Variants in TOGARAM1 observed in about 807,000 individuals in gnomAD.
The protein encoded by TOGARAM1 is TOG array regulator of axonemal microtubules protein 1.
In TOGARAM1, 100 loss-of-function variants were observed where a neutral mutation model predicts 166.6. The ratio of observed to expected loss-of-function variants is 0.60; its 90% CI spans 0.51 to 0.71. The LOEUF (loss-of-function observed/expected upper bound fraction) is 0.71. TOGARAM1 is among the 30% of genes least tolerant of loss of function. TOGARAM1 has a pLI of 0.00. For missense variants in TOGARAM1, 2,029 were observed against 2,102.7 expected (o/e 0.96, Z 0.69); for synonymous variants, 758 against 763.8 (o/e 0.99, Z 0.13).
intron 1 of TOGARAM1, among the ~76,000 whole-genome samples, chr14:44,973,150 TTC>T (rs1203143941): frequency 6.6e-6 from 1 of 152,118 alleles, no homozygotes; most frequent in Non-Finnish European, 1.5e-5. Context: ...TGTTTTTGTC[TTC>T]TGTTTTTTGG....
chr14:45,064,134 C>T (rs570932645), intron 16 of TOGARAM1, among the ~76,000 whole-genome samples: 39 of 152,204 alleles, frequency 2.6e-4, no homozygotes, highest in African/African-American at 8.9e-4. Flanking sequence ...TTACTATAGT[C>T]AGAGTTAAGA....
At chr14:45,004,428 A>G in intron 4 of TOGARAM1, 62 bp downstream of exon 4, 1 of 1,360,876 alleles carries the variant, frequency 7.3e-7, no homozygotes, top group African/African-American at 1.4e-5. Context: ...AAGTTAATGC[A>G]TAGGGCTGTT....
intron 1 of TOGARAM1, among the ~76,000 whole-genome samples, chr14:44,983,819 T>C (rs1405365503): frequency 6.6e-6 from 1 of 152,230 alleles, no homozygotes; most frequent in Non-Finnish European, 1.5e-5. Context: ...TTAAAAACTT[T>C]TATTTTTTAT....
At position 45,052,455 on chromosome 14, in the gene TOGARAM1, C is replaced by G. The variant is rs368925100; in HGVS notation, c.4333C>G (p.Leu1445Val). The change falls in exon 15 of 20, where the codon CTG becomes GTG. Residue 1445 changes from leucine (L) to valine (V), a missense_variant. By Grantham distance (32) the Leu-to-Val change is conservative (BLOSUM62 1). Around this residue, in one of 2 missense-constraint regions of TOGARAM1, gnomAD observed 576 missense variants for 670.5 expected, o/e 0.86. Coordinates refer to ENST00000361462, the MANE Select transcript of TOGARAM1 (RefSeq NM_001308120.2). ...TCACAGGTATTATGGTCGAAAGATGCTGTTCTTCATGATGTGTCATCCTAA... is the reference window on the plus strand; with the variant it reads ...TCACAGGTATTATGGTCGAAAGATGGTGTTCTTCATGATGTGTCATCCTAA... The part of the protein sequence containing the change: ...QETRYYGRKM[L>V]FFMMCHPNFE... 2.5e-6 allele frequency: 4 copies of G among 1,611,872 alleles called. No homozygotes were observed. The highest frequency in any genetic ancestry group is 3.4e-6 in the Non-Finnish European group (4 of 1,178,896).
At chr14:45,041,265 G>A (rs1881711912) in intron 11 of TOGARAM1, among the ~76,000 whole-genome samples, 1 of 151,822 alleles carries the variant, frequency 6.6e-6, no homozygotes, top group Non-Finnish European at 1.5e-5. Flanking sequence ...GCCGGCCATG[G>A]TGGCACATGC....
At chr14:44,994,586 T>G (rs1281655707) in intron 1 of TOGARAM1, among the ~76,000 whole-genome samples, 2 of 152,120 alleles carry the variant, frequency 1.3e-5, no homozygotes, top group Non-Finnish European at 2.9e-5. Flanking sequence ...GCCTGGCTAA[T>G]TTTTGTATTT....
chr14:45,057,371 G>GT (rs1594699798), intron 16 of TOGARAM1, among the ~76,000 whole-genome samples: 1 of 151,860 alleles, frequency 6.6e-6, no homozygotes, highest in Non-Finnish European at 1.5e-5. Context: ...GTTTTATTAT[G>GT]TTTTTTCTAG....
chr14:44,972,644 C>T (rs1007010422), intron 1 of TOGARAM1, among the ~76,000 whole-genome samples: 3 of 152,132 alleles, frequency 2.0e-5, no homozygotes, highest in Admixed American at 6.5e-5. Context: ...GATAACTTTT[C>T]TTGCTCTGAA....
rs558375616 is a variant in TOGARAM1, at chr14:44,963,564, A to G, written c.1143A>G (p.Lys381=). ...AAGAACTAAAGCAGGTGCTGGGAAAATTTAACCCTAGTTCTACTCCTCATT... is the reference window on the plus strand; with the variant it reads ...AAGAACTAAAGCAGGTGCTGGGAAAGTTTAACCCTAGTTCTACTCCTCATT... ...AVEELKQVLG[K]FNPSSTPHSS... is the part of the protein sequence containing the mutation. Residue 381 remains lysine, a synonymous_variant, in exon 1 of 20, where the codon AAA becomes AAG. Transcript: ENST00000361462. 3.1e-6 allele frequency: 5 copies of G among 1,613,866 alleles called. No homozygotes were observed. In the African/African-American group the frequency reaches 6.7e-5, roughly 22 times the overall value.
intron 1 of TOGARAM1, among the ~76,000 whole-genome samples, chr14:44,987,964 A>G (rs969880995): frequency 6.6e-6 from 1 of 152,060 alleles, no homozygotes; most frequent in Non-Finnish European, 1.5e-5. Context: ...AGGGACATGG[A>G]TGAAGCTGGA....
At position 45,066,148 on chromosome 14, in the gene TOGARAM1, A is replaced by G. The variant is rs1883128532; in HGVS notation, c.4560-430A>G. On this transcript the variant is annotated intron_variant, in intron 16 of 19. Coordinates refer to ENST00000361462, the MANE Select transcript of TOGARAM1 (RefSeq NM_001308120.2). The stretch of plus-strand genomic sequence containing the variant: ...GCTCCCAGTGAAAACTCTAGACATG[A>G]GGCCTCTAATAAGCTTACTTAGTAG... Among the ~76,000 whole-genome samples the G allele has an allele frequency of 2.6e-5, 4 of 152,268 alleles. No homozygotes were observed. In the South Asian group the frequency reaches 6.2e-4, roughly 24 times the overall value.
chr14:44,989,437 G>T (rs1312224145), intron 1 of TOGARAM1, among the ~76,000 whole-genome samples: 2 of 151,812 alleles, frequency 1.3e-5, no homozygotes, highest in African/African-American at 4.8e-5. Context: ...TTCTTCTGTG[G>T]TATAGAATTC....
chr14:44,963,438 G>A lies in TOGARAM1; in HGVS notation c.1017G>A (p.Val339=). 2 of 1,614,146 alleles carry A rather than the reference G, an allele frequency of 1.2e-6. No homozygotes were observed. Residue 339 remains valine (V), a synonymous_variant, in exon 1 of 20, where the codon GTG becomes GTA. Coordinates refer to ENST00000361462, the MANE Select transcript of TOGARAM1 (RefSeq NM_001308120.2). ...GFPEDPLPCA[V]TLSNSNLKFG... is the part of the protein sequence containing the mutation. ...CTGAAGATCCCCTTCCCTGTGCAGTGACTCTTTCCAACAGCAATCTTAAAT... is the reference window on the plus strand; with the variant it reads ...CTGAAGATCCCCTTCCCTGTGCAGTAACTCTTTCCAACAGCAATCTTAAAT...
intron 4 of TOGARAM1, 150 bp downstream of exon 4, chr14:45,004,516 T>C (rs1887855486): frequency 3.2e-6 from 2 of 629,860 alleles, no homozygotes. Context: ...AATAGTGTGT[T>C]AAATAAATCA....
chr14:44,973,795 GT>G lies in TOGARAM1; in HGVS notation c.2046+9338del, dbSNP rs1401948480. On this transcript the variant is annotated intron_variant, in intron 1 of 19. Transcript: ENST00000361462. Reference sequence around the variant, plus strand: ...AGGGTATAGACTTCTAAATTGATGGGTTTTTTTTTTCTCTCAATACTTTAAA... The same window carrying G: ...AGGGTATAGACTTCTAAATTGATGGGTTTTTTTTTCTCTCAATACTTTAAA... Among the ~76,000 whole-genome samples, 59 of 146,292 alleles carry G rather than the reference GT, an allele frequency of 4.0e-4. 1 individual carries two copies. Among genetic ancestry groups the G allele is most frequent in the South Asian group, 1.5e-3 (7 of 4,612 alleles).
chr14:45,054,601 G>C, intron 16 of TOGARAM1, 52 bp downstream of exon 16: 2 of 1,284,354 alleles, frequency 1.6e-6, no homozygotes, highest in Non-Finnish European at 2.2e-6. Context: ...TGTGATAGTA[G>C]TCTCATTTGG....
At position 44,981,228 on chromosome 14, in the gene TOGARAM1, T is replaced by C. The variant is rs185900118; in HGVS notation, c.2047-14518T>C. On this transcript the variant is annotated intron_variant, in intron 1 of 19. Coordinates refer to ENST00000361462, the MANE Select transcript of TOGARAM1 (RefSeq NM_001308120.2). The stretch of plus-strand genomic sequence containing the variant: ...AGAGACATGAATATAGCTGGAGATA[T>C]AGATTCTGGAAGTCGTGTGCTGAAG... Among the ~76,000 whole-genome samples the C allele has an allele frequency of 8.6e-4, 131 of 152,288 alleles. 1 individual carries two copies. Among genetic ancestry groups the C allele is most frequent in the Non-Finnish European group, 1.5e-3 (103 of 68,016 alleles).
intron 16 of TOGARAM1, among the ~76,000 whole-genome samples, chr14:45,057,133 A>G (rs1882678709): frequency 2.6e-5 from 4 of 152,056 alleles, no homozygotes. Flanking sequence ...ATTGAAATGT[A>G]GTTGCTCATA....
chr14:45,037,843 C>T lies in TOGARAM1; in HGVS notation c.3812+5467C>T, dbSNP rs547782325. Among the ~76,000 whole-genome samples the T allele has an allele frequency of 2.5e-4, 37 of 149,316 alleles. No individual in the cohort carries two copies. The South Asian group carries it at 2.8e-3, about 11-fold the overall frequency. On this transcript the variant is annotated intron_variant, in intron 11 of 19. Transcript: ENST00000361462. ...GAGATTGAGACCATCCTGGTTAACA[C>T]GGTGAAACCCCATCTCTACTAAAAA...
Sources: gnomAD v4.1 joint callset for allele counts (sites outside exome capture counted in the v4.1 genomes callset) on GRCh38, gnomAD v4.1.1 for gene constraint, gnomAD v4.1.1 regional missense constraint, MANE v1.5 for transcripts, NCBI Gene and HGNC (gene_info 2026-07-23, HGNC 2026-07-21) for gene names.